The following NBEAL2 variants were observed in gnomAD, a reference collection of about 807,000 sequenced individuals.
NBEAL2 encodes neurobeachin like 2, also known as neurobeachin-like protein 2.
A neutral mutation model predicts 299.8 loss-of-function variants in NBEAL2; 160 were observed. That is an observed-to-expected ratio of 0.53 (90% CI 0.47 to 0.61). NBEAL2 has a LOEUF of 0.61. Among genes scored for constraint, NBEAL2 ranks in the 20% least tolerant of loss-of-function variants. NBEAL2 has a pLI of 0.00. For synonymous variants in NBEAL2, 1,493 were observed against 1,542.3 expected (o/e 0.97, Z 0.75); for missense variants, 3,112 against 3,649.0 (o/e 0.85, Z 3.79).
In NBEAL2 at chr3:46,998,499, A is replaced by G; in HGVS notation, c.3155A>G (p.His1052Arg). ...IQYMSSIVRE[H>R]RQKLRKKYGV... is the part of the protein sequence containing the mutation. ...TACATGTCCAGCATAGTTCGGGAGC[A>G]CAGACAGAAGCTGCGGAAGAAGTAC... is the stretch of plus-strand genomic sequence containing the variant. Residue 1052 changes from histidine (H) to arginine (R), a missense_variant, in exon 22 of 54, where the codon CAC (histidine) becomes CGC (arginine). Coordinates refer to ENST00000450053, the MANE Select transcript of NBEAL2 (RefSeq NM_015175.3). 1 of 1,613,478 alleles carries G rather than the reference A, an allele frequency of 6.2e-7. No homozygotes were observed. Among genetic ancestry groups the G allele is most frequent in the Non-Finnish European group, 8.5e-7 (1 of 1,179,778 alleles).
rs753762325 is a variant in NBEAL2, at chr3:47,007,561, C to A, written c.7371C>A (p.Gly2457=). 1 of 1,612,546 alleles carries A rather than the reference C, an allele frequency of 6.2e-7. No individual in the cohort carries two copies. The highest frequency in any genetic ancestry group is 1.3e-5 in the African/African-American group (1 of 75,038). The change falls in exon 48 of 54, where the codon GGC becomes GGA. Residue 2457 remains glycine (G), a synonymous_variant. Coordinates refer to ENST00000450053, the MANE Select transcript of NBEAL2 (RefSeq NM_015175.3). ...QRLLSGPWVP[G]SGVSGQALAV... ...TGCTGAGTGGCCCGTGGGTGCCAGG[C>A]AGTGGTGTGAGTGGACAAGCACTGG...
At position 46,989,113 on chromosome 3, in the gene NBEAL2, G is replaced by A. The variant is rs2035884735; in HGVS notation, c.298G>A (p.Gly100Ser). ...CCTGGAGAACATAGAGGCAGGCCGG[G>A]GCCAAGTGCTAGTGCCCCGAGTGCT... Reference protein sequence around the residue: ...RNLENIEAGRGQVLVPRVLAL... With the variant: ...RNLENIEAGRSQVLVPRVLAL... The change falls in exon 4 of 54, where the codon GGC (glycine) becomes AGC (serine). Residue 100 changes from glycine to serine, a missense_variant. By Grantham distance (56) the Gly-to-Ser change is moderately conservative (BLOSUM62 0). Around this residue, in one of 3 missense-constraint regions of NBEAL2, gnomAD observed 2,243 missense variants for 2,538.1 expected, o/e 0.88. Coordinates refer to ENST00000450053, the MANE Select transcript of NBEAL2 (RefSeq NM_015175.3). The surrounding 1 kb of genome is among the most constrained non-coding windows in gnomAD (Gnocchi z 5.5). The A allele has an allele frequency of 6.2e-7, 1 of 1,613,764 alleles. No homozygotes were observed.
At chr3:46,994,118 C>A in intron 11 of NBEAL2, 98 bp downstream of exon 11, 3 of 1,272,428 alleles carry the variant, frequency 2.4e-6, no homozygotes, top group Non-Finnish European at 3.3e-6. Flanking sequence ...AAGCATCCTG[C>A]TCCCTGGAGC....
In NBEAL2 at chr3:46,995,840, T is replaced by G; in HGVS notation, c.2025T>G (p.Ser675=). The G allele has an allele frequency of 6.2e-7, 1 of 1,613,836 alleles. No homozygotes were observed. The highest frequency in any genetic ancestry group is 8.5e-7 in the Non-Finnish European group (1 of 1,179,842). ...TGCCCGAAGTGTCCTTTGCCGACTC[T>G]GCCTGGGTGAGACCCCATCCTTCTC... is the stretch of plus-strand genomic sequence containing the variant. ...MSLPEVSFAD[S]AWHCVAIVHV... Residue 675 remains serine (S), a synonymous_variant, in exon 14 of 54, where the codon TCT becomes TCG. Coordinates refer to ENST00000450053, the MANE Select transcript of NBEAL2 (RefSeq NM_015175.3).
chr3:47,004,424 T>C lies in NBEAL2; in HGVS notation c.6198+31T>C. 1 of 1,592,236 alleles carries C rather than the reference T, an allele frequency of 6.3e-7. No individual in the cohort carries two copies. The highest frequency in any genetic ancestry group is 8.6e-7 in the Non-Finnish European group (1 of 1,166,490). On this transcript the variant is annotated intron_variant, in intron 37 of 53. Transcript: ENST00000450053. This position sits in a 1 kb window ranked among gnomAD's most constrained non-coding sequence, Gnocchi z 5.0. ...AGCCCTGGGTGTGAGGGATGTGAAG[T>C]CGGGACCCTGAATCACGGGGCAGTG... is the stretch of plus-strand genomic sequence containing the variant.
chr3:47,006,949 G>C, intron 45 of NBEAL2, 117 bp from the exon 46 acceptor site: 1 of 815,756 alleles, frequency 1.2e-6, no homozygotes, highest in Non-Finnish European at 1.9e-6. Context: ...CTGCATCTGT[G>C]ACACCTACTC....
chr3:47,004,266 C>A lies in NBEAL2; in HGVS notation c.6071C>A (p.Pro2024His). 6.2e-7 allele frequency: 1 copy of A among 1,613,632 alleles called. No individual in the cohort carries two copies. The highest frequency in any genetic ancestry group is 8.5e-7 in the Non-Finnish European group (1 of 1,179,752). The change falls in exon 37 of 54, where the codon CCC becomes CAC. Residue 2024 changes from proline (P) to histidine (H), a missense_variant. By Grantham distance (77) the Pro-to-His change is moderately conservative. Transcript: ENST00000450053. The surrounding 1 kb of genome is among the most constrained non-coding windows in gnomAD (Gnocchi z 5.0). Reference sequence around the variant, plus strand: ...CAGACTCCCAGACCCCAGCCTGGCCCCATCCCACCCCATACCCAGGTACGG... The same window carrying A: ...CAGACTCCCAGACCCCAGCCTGGCCACATCCCACCCCATACCCAGGTACGG... ...PSQTPRPQPG[P>H]IPPHTQVRNQ...
At chr3:46,984,475 T>A (rs1278681631) in intron 1 of NBEAL2, among the ~76,000 whole-genome samples, 1 of 152,204 alleles carries the variant, frequency 6.6e-6, no homozygotes, top group African/African-American at 2.4e-5. Flanking sequence ...CAGTTGTCCC[T>A]GCCCCAGCAA....
rs773309057 is a variant in NBEAL2, at chr3:47,005,788, G to T, written c.6742G>T (p.Val2248Leu). 3 of 1,613,350 alleles carry T rather than the reference G, an allele frequency of 1.9e-6. No homozygotes were observed. The Admixed American group carries it at 5.0e-5, about 27-fold the overall frequency. Residue 2248 changes from valine (V) to leucine (L), a missense_variant, in exon 42 of 54, where the codon GTG becomes TTG. By Grantham distance (32) the Val-to-Leu change is conservative. Around this residue, in one of 3 missense-constraint regions of NBEAL2, gnomAD observed 521 missense variants for 729.6 expected, o/e 0.71. Transcript: ENST00000450053. ...QLTNEKVGDV[V>L]LPPWASSPED... ...GACCAACGAGAAGGTAGGCGATGTGGTGCTACCCCCGTGGGCCAGCTCTCC... is the reference window on the plus strand; with the variant it reads ...GACCAACGAGAAGGTAGGCGATGTGTTGCTACCCCCGTGGGCCAGCTCTCC...
rs2037376703 is a variant in NBEAL2 at position 47,005,629 on chromosome 3, AG to A, written c.6691+12del. 6.2e-7 allele frequency: 1 copy of A among 1,613,584 alleles called. No homozygotes were observed. The highest frequency in any genetic ancestry group is 8.5e-7 in the Non-Finnish European group (1 of 1,179,776). On this transcript the variant is annotated intron_variant, in intron 41 of 53. Coordinates refer to ENST00000450053, the MANE Select transcript of NBEAL2 (RefSeq NM_015175.3). ...CTGGAGAACCAGAACGGTAGGTGTGAGGTGCTCACACTGGAGCGGGCAGGTG... is the reference window on the plus strand; with the variant it reads ...CTGGAGAACCAGAACGGTAGGTGTGAGTGCTCACACTGGAGCGGGCAGGTG...
In NBEAL2 at chr3:47,003,861, GT is replaced by G. The variant is rs778986373; in HGVS notation, c.5767del (p.Ser1923ArgfsTer7). 1 of 1,613,060 alleles carries G rather than the reference GT, an allele frequency of 6.2e-7. No individual in the cohort carries two copies. The highest frequency in any genetic ancestry group is 1.1e-5 in the South Asian group (1 of 91,002). On this transcript the variant is annotated frameshift_variant, in exon 36 of 54. Coordinates refer to ENST00000450053, the MANE Select transcript of NBEAL2 (RefSeq NM_015175.3). LOFTEE classifies it high-confidence loss of function. The surrounding 1 kb of genome is among the most constrained non-coding windows in gnomAD (Gnocchi z 7.0). ...LDEQREKLVL[S>X]AECQLVTVVA... is the part of the protein sequence containing the mutation. ...ATGAGCAGCGTGAGAAGCTGGTGCT[GT>G]CGGCCGAGTGCCAGCTGGTGACGGT...
intron 9 of NBEAL2, 63 bp from the exon 10 acceptor site, chr3:46,992,412 C>T (rs2036167960): frequency 6.9e-7 from 1 of 1,454,594 alleles, no homozygotes; most frequent in South Asian, 1.2e-5. Flanking sequence ...TAACCCCACC[C>T]TCTCCCATCT....
chr3:47,001,459 G>C lies in NBEAL2; in HGVS notation c.4644+21G>C. ...AGAAGGTGCGACCCCTCAGAGAGGCGTGAGCCACATGAACACTCATGTTCA... is the reference window on the plus strand; with the variant it reads ...AGAAGGTGCGACCCCTCAGAGAGGCCTGAGCCACATGAACACTCATGTTCA... On this transcript the variant is annotated intron_variant, in intron 29 of 53. Transcript: ENST00000450053. This position sits in a 1 kb window ranked among gnomAD's most constrained non-coding sequence, Gnocchi z 6.1. The C allele has an allele frequency of 1.2e-6, 2 of 1,606,622 alleles. No homozygotes were observed. The highest frequency in any genetic ancestry group is 1.7e-4 in the Middle Eastern group (1 of 6,056).
At position 47,001,739 on chromosome 3, in the gene NBEAL2, C is replaced by T; in HGVS notation, c.4695C>T (p.His1565=). 6.2e-7 allele frequency: 1 copy of T among 1,613,940 alleles called. No individual in the cohort carries two copies. Among genetic ancestry groups the T allele is most frequent in the South Asian group, 1.1e-5 (1 of 91,092 alleles). The part of the protein sequence containing the change: ...SLLDRLGAWP[H]LANGTADLRE... ...TTGATCGCCTGGGAGCCTGGCCCCA[C>T]CTGGCCAACGGCACAGCTGATCTCC... Residue 1565 remains histidine, a synonymous_variant, in exon 30 of 54, where the codon CAC becomes CAT. Transcript: ENST00000450053. The surrounding 1 kb of genome is among the most constrained non-coding windows in gnomAD (Gnocchi z 6.1).
rs1338096802 is a variant in NBEAL2 at position 46,989,363 on chromosome 3, G to C, written c.455G>C (p.Trp152Ser). The C allele has an allele frequency of 6.3e-7, 1 of 1,580,440 alleles. No individual in the cohort carries two copies. The highest frequency in any genetic ancestry group is 1.3e-5 in the African/African-American group (1 of 74,158). Reference sequence around the variant, plus strand: ...GGCCTCTTTGACCCTTACCAAACCTGGCGGCGCCAGCGCAGTGGGTGAGAC... The same window carrying C: ...GGCCTCTTTGACCCTTACCAAACCTCGCGGCGCCAGCGCAGTGGGTGAGAC... Reference protein sequence around the residue: ...CEGLFDPYQTWRRQRSGEVIS... With the variant: ...CEGLFDPYQTSRRQRSGEVIS... The change falls in exon 5 of 54, where the codon TGG (tryptophan) becomes TCG (serine). Residue 152 changes from tryptophan (W) to serine (S), a missense_variant. Coordinates refer to ENST00000450053, the MANE Select transcript of NBEAL2 (RefSeq NM_015175.3). The surrounding 1 kb of genome is among the most constrained non-coding windows in gnomAD (Gnocchi z 5.5).
At position 47,009,282 on chromosome 3, in the gene NBEAL2, T is replaced by G. The variant is rs2037714164; in HGVS notation, c.8227T>G (p.Ser2743Ala). 3.7e-6 allele frequency: 6 copies of G among 1,602,010 alleles called. No individual in the cohort carries two copies. Among genetic ancestry groups the G allele is most frequent in the Non-Finnish European group, 5.1e-6 (6 of 1,175,590 alleles). ...CTCGCGGCGCATCTCCCAGGTGTCCTCGGGAGAGACGGAATACAACCCTAC... is the reference window on the plus strand; with the variant it reads ...CTCGCGGCGCATCTCCCAGGTGTCCGCGGGAGAGACGGAATACAACCCTAC... ...RSSRRISQVSSGETEYNPTEA... is the reference protein window; with the variant it reads ...RSSRRISQVSAGETEYNPTEA... The change falls in exon 54 of 54, where the codon TCG (serine) becomes GCG (alanine). Residue 2743 changes from serine (S) to alanine (A), a missense_variant. Ser to Ala is a moderately conservative substitution (Grantham distance 99). Around this residue, in one of 3 missense-constraint regions of NBEAL2, gnomAD observed 348 missense variants for 381.4 expected, o/e 0.91. Coordinates refer to ENST00000450053, the MANE Select transcript of NBEAL2 (RefSeq NM_015175.3).
Position 47,000,027 on chromosome 3 carries a change from C to T in NBEAL2, c.3928C>T (p.Pro1310Ser). The change falls in exon 27 of 54, where the codon CCT (proline) becomes TCT (serine). Residue 1310 changes from proline to serine, a missense_variant. Coordinates refer to ENST00000450053, the MANE Select transcript of NBEAL2 (RefSeq NM_015175.3). The surrounding 1 kb of genome is among the most constrained non-coding windows in gnomAD (Gnocchi z 4.5). ...GSPPPSSPES[P>S]TSPKPAPPKP... ...CCCCCCTCCGTCTTCCCCAGAGTCACCTACCTCCCCCAAGCCAGCCCCACC... is the reference window on the plus strand; with the variant it reads ...CCCCCCTCCGTCTTCCCCAGAGTCATCTACCTCCCCCAAGCCAGCCCCACC... 4 of 1,612,850 alleles carry T rather than the reference C, an allele frequency of 2.5e-6. No homozygotes were observed. The highest frequency in any genetic ancestry group is 2.5e-6 in the Non-Finnish European group (3 of 1,179,810).
Position 47,005,860 on chromosome 3 carries a change from C to CCACATTCCT in NBEAL2, c.6801+17_6801+18insTTCCTCACA, listed in dbSNP as rs758594356. On this transcript the variant is annotated intron_variant, in intron 42 of 53. Coordinates refer to ENST00000450053, the MANE Select transcript of NBEAL2 (RefSeq NM_015175.3). ...CCGCCAGGCTCTGGTGAGGAAGGAA[C>CCACATTCCT]CACAGGCAAACGGCAGGCAGCCGGG... 6.2e-7 allele frequency: 1 copy of CCACATTCCT among 1,613,092 alleles called. No homozygotes were observed. Among genetic ancestry groups the CCACATTCCT allele is most frequent in the Admixed American group, 1.7e-5 (1 of 60,032 alleles).
In NBEAL2 at chr3:47,006,204, G is replaced by C. The variant is rs377326649; in HGVS notation, c.6959G>C (p.Arg2320Pro). The C allele has an allele frequency of 6.2e-7, 1 of 1,613,906 alleles. No homozygotes were observed. The highest frequency in any genetic ancestry group is 8.5e-7 in the Non-Finnish European group (1 of 1,179,878). ...DLDHVTDERERKALEGIISNF... is the reference protein window; with the variant it reads ...DLDHVTDEREPKALEGIISNF... ...GACCATGTGACAGATGAGCGGGAAC[G>C]GAAGGCTCTGGAGGGCATTATCAGC... is the stretch of plus-strand genomic sequence containing the variant. Residue 2320 changes from arginine to proline, a missense_variant, in exon 44 of 54, where the codon CGG (arginine) becomes CCG (proline). This residue lies in a region of NBEAL2 where 521 missense variants were observed against 729.6 expected (regional missense o/e 0.71). Coordinates refer to ENST00000450053, the MANE Select transcript of NBEAL2 (RefSeq NM_015175.3).
Sources: allele counts gnomAD v4.1 joint callset (sites outside exome capture counted in the v4.1 genomes callset), GRCh38; gene constraint gnomAD v4.1.1; regional missense constraint gnomAD v4.1.1; non-coding constraint Gnocchi (gnomAD v3.1); transcripts MANE v1.5; gene names NCBI Gene and HGNC (gene_info 2026-07-23, HGNC 2026-07-21).